CADPS2: variants seen among roughly 807,000 people sequenced by gnomAD.
CADPS2 encodes calcium-dependent secretion activator 2.
In CADPS2, 93 loss-of-function variants were observed where a neutral mutation model predicts 172.5. The ratio of observed to expected loss-of-function variants is 0.54; its 90% CI spans 0.46 to 0.64. CADPS2 has a LOEUF of 0.64. Ranked by LOEUF, CADPS2 falls within the 30% of genes least tolerant of loss-of-function variation. The pLI is 0.00. For missense variants in CADPS2, 1,420 were observed against 1,565.9 expected, an observed-to-expected ratio of 0.91 and a Z score of 1.57; for synonymous variants, 546 against 555.2, an observed-to-expected ratio of 0.98 and a Z score of 0.23.
At position 122,650,886 on chromosome 7, in the gene CADPS2, A is replaced by T. The variant is rs547803392; in HGVS notation, c.786+12351T>A. Among the ~76,000 whole-genome samples the T allele has an allele frequency of 2.0e-5, 3 of 152,054 alleles. No homozygotes were observed. In the South Asian group the frequency reaches 6.3e-4, roughly 32 times the overall value. On this transcript the variant is annotated intron_variant, in intron 3 of 29. Transcript: ENST00000449022. ...TGATACATTTATTTACCAAAAATTT[A>T]ACACATATATAAATATTATGGCCAC...
chr7:122,785,732 G>C (rs2139528422), intron 1 of CADPS2, among the ~76,000 whole-genome samples: 1 of 152,100 alleles, frequency 6.6e-6, no homozygotes, highest in African/African-American at 2.4e-5. Context: ...GGAATCTTCT[G>C]ATCTTTGAAG....
intron 24 of CADPS2, 90 bp from the exon 25 acceptor site, chr7:122,379,532 C>A (rs566788224): frequency 1.6e-5 from 12 of 761,088 alleles, no homozygotes; most frequent in African/African-American, 1.4e-4. Context: ...CTAGTTATGA[C>A]CTATCAGATT....
chr7:122,628,786 T>A (rs568956281), intron 4 of CADPS2, among the ~76,000 whole-genome samples: 1 of 146,970 alleles, frequency 6.8e-6, no homozygotes, highest in Admixed American at 6.9e-5. Flanking sequence ...GATTGCATAC[T>A]AGATACTTAA....
chr7:122,352,833 A>G (rs1483634520), intron 27 of CADPS2, among the ~76,000 whole-genome samples: 1 of 152,220 alleles, frequency 6.6e-6, no homozygotes, highest in African/African-American at 2.4e-5. Flanking sequence ...GTACTATTCT[A>G]AAAGGGAACA....
chr7:122,689,890 T>C (rs1167956553), intron 2 of CADPS2, among the ~76,000 whole-genome samples: 2 of 152,170 alleles, frequency 1.3e-5, no homozygotes, highest in African/African-American at 4.8e-5. Flanking sequence ...CCATCCATCA[T>C]GGACGCTAGA....
chr7:122,444,498 T>G (rs1389337160), intron 15 of CADPS2, among the ~76,000 whole-genome samples: 1 of 152,206 alleles, frequency 6.6e-6, no homozygotes, highest in East Asian at 1.9e-4. Context: ...TTGTTTGGAA[T>G]TTAACTATAC....
chr7:122,750,203 C>A (rs1254330128), intron 1 of CADPS2, among the ~76,000 whole-genome samples: 1 of 152,068 alleles, frequency 6.6e-6, no homozygotes, highest in African/African-American at 2.4e-5. Context: ...TCTTTCACAT[C>A]AGATAGGGGT....
rs188643784 is a variant in CADPS2 at position 122,632,844 on chromosome 7, C to T, written c.787-3516G>A. On this transcript the variant is annotated intron_variant, in intron 3 of 29. Transcript: ENST00000449022. ...AAACTTTGAAGTCTTACATTTAAGT[C>T]GTTAATCCACCCTGAGTTAATTTTC... 8.5e-4 allele frequency among the ~76,000 whole-genome samples: 129 copies of T among 152,238 alleles called. 1 individual carries two copies. The highest frequency in any genetic ancestry group is 2.5e-3 in the East Asian group (13 of 5,186).
Position 122,467,487 on chromosome 7 carries a change from G to C in CADPS2, c.2186+3888C>G, listed in dbSNP as rs531881445. Among the ~76,000 whole-genome samples, 13 of 152,206 alleles carry C rather than the reference G, an allele frequency of 8.5e-5. No homozygotes were observed. In the South Asian group the frequency reaches 2.5e-3, roughly 29 times the overall value. On this transcript the variant is annotated intron_variant, in intron 14 of 29. Coordinates refer to ENST00000449022, the MANE Select transcript of CADPS2 (RefSeq NM_017954.11). ...TGATGATTTGACTGATGCCCATTAA[G>C]GTTACTTAACAACTTTGTGATATAA...
intron 14 of CADPS2, among the ~76,000 whole-genome samples, chr7:122,457,322 C>A (rs1302648162): frequency 6.6e-6 from 1 of 152,148 alleles, no homozygotes; most frequent in East Asian, 1.9e-4. Context: ...TTTGTGTTCA[C>A]ACATTTTATA....
intron 6 of CADPS2, among the ~76,000 whole-genome samples, chr7:122,595,906 C>T (rs2071699341): frequency 6.6e-6 from 1 of 151,998 alleles, no homozygotes; most frequent in Non-Finnish European, 1.5e-5. Context: ...AGAGCAGAGG[C>T]AAGTGGATAC....
rs898805971 is a variant in CADPS2 at position 122,702,838 on chromosome 7, C to T, written c.453+34117G>A. ...CATAAAGAAGATAGCTTGTTGGCGG[C>T]AGATTACTAAAGCACATAAATGGAA... On this transcript the variant is annotated intron_variant, in intron 2 of 29. Coordinates refer to ENST00000449022, the MANE Select transcript of CADPS2 (RefSeq NM_017954.11). 19 of 992,146 alleles carry T rather than the reference C, an allele frequency of 1.9e-5. No individual in the cohort carries two copies. The African/African-American group carries it at 3.1e-4, about 16-fold the overall frequency. The allele number at this position is 992,146 out of a possible 1,614,324, so 61.5% of individuals were successfully genotyped here.
In CADPS2 at chr7:122,663,421, C is replaced by G; in HGVS notation, c.602G>C (p.Ser201Thr). The change falls in exon 3 of 30, where the codon AGC becomes ACC. Residue 201 changes from serine (S) to threonine (T), a missense_variant. Coordinates refer to ENST00000449022, the MANE Select transcript of CADPS2 (RefSeq NM_017954.11). ...GGCATCATATTTGGCTATCCATGAG[C>G]TCAACACTGTCTCTTTGCTCAAGCC... ...IDGLSKETVL[S>T]SWIAKYDAIY... 1 of 1,613,914 alleles carries G rather than the reference C, an allele frequency of 6.2e-7. No homozygotes were observed. The highest frequency in any genetic ancestry group is 8.5e-7 in the Non-Finnish European group (1 of 1,179,874).
chr7:122,323,050 T>G (rs960827793), intron 29 of CADPS2, among the ~76,000 whole-genome samples: 10 of 152,212 alleles, frequency 6.6e-5, no homozygotes, highest in African/African-American at 2.2e-4. Context: ...CACTGGGAAA[T>G]GATCATTATA....
chr7:122,843,138 T>C (rs138852723), intron 1 of CADPS2, among the ~76,000 whole-genome samples: 14 of 152,330 alleles, frequency 9.2e-5, no homozygotes, highest in African/African-American at 3.1e-4. Context: ...AAAGCCTTCA[T>C]TAAAAGGAGC....
rs754091920 is a variant in CADPS2, at chr7:122,641,200, C to T, written c.787-11872G>A. Among the ~76,000 whole-genome samples, 8 of 152,140 alleles carry T rather than the reference C, an allele frequency of 5.3e-5. No individual in the cohort carries two copies. In the South Asian group the frequency reaches 1.7e-3, roughly 32 times the overall value. On this transcript the variant is annotated intron_variant, in intron 3 of 29. Coordinates refer to ENST00000449022, the MANE Select transcript of CADPS2 (RefSeq NM_017954.11). ...ATTTTACAGGTCTTTTTAAAAGGGCCGTTAATCCTTGATCATAACAGATAC... is the reference window on the plus strand; with the variant it reads ...ATTTTACAGGTCTTTTTAAAAGGGCTGTTAATCCTTGATCATAACAGATAC...
chr7:122,637,208 T>TTTTCTCTC (rs778963218), intron 3 of CADPS2, among the ~76,000 whole-genome samples: 3 of 62,694 alleles, frequency 4.8e-5, no homozygotes, highest in East Asian at 6.9e-4. Context: ...TTTTTTTTTT[T>TTTTCTCTC]CCTGAGACAG....
chr7:122,806,373 A>G (rs1050683784), intron 1 of CADPS2, among the ~76,000 whole-genome samples: 4 of 152,210 alleles, frequency 2.6e-5, no homozygotes, highest in Non-Finnish European at 5.9e-5. Context: ...ACAGAACTAA[A>G]AACAAATCTA....
In CADPS2 at chr7:122,361,059, AAACT is replaced by A; in HGVS notation, c.3388-50_3388-47del. The A allele has an allele frequency of 2.7e-6, 4 of 1,461,330 alleles. No individual in the cohort carries two copies. In the South Asian group the frequency reaches 4.8e-5, roughly 18 times the overall value. The allele number at this position is 1,461,330 out of a possible 1,614,324, so 90.5% of individuals were successfully genotyped here. ...GTATTTAGAATGTTACTATGCATAC[AAACT>A]AATAGCAGGACAAACAATTCCTGAA... On this transcript the variant is annotated intron_variant, in intron 25 of 29. Coordinates refer to ENST00000449022, the MANE Select transcript of CADPS2 (RefSeq NM_017954.11).
Sources: gnomAD v4.1 joint callset for allele counts (sites outside exome capture counted in the v4.1 genomes callset) on GRCh38, gnomAD v4.1.1 for gene constraint, MANE v1.5 for transcripts, NCBI Gene and HGNC (gene_info 2026-07-23, HGNC 2026-07-21) for gene names.